The following CPEB3 variants were observed in gnomAD, a reference collection of about 807,000 sequenced individuals.
CPEB3 encodes cytoplasmic polyadenylation element binding protein 3, also known as cytoplasmic polyadenylation element-binding protein 3.
A neutral mutation model predicts 67.2 loss-of-function variants in CPEB3; 20 were observed. The observed-to-expected ratio is 0.30, with a 90% CI of 0.21 to 0.43. The LOEUF (loss-of-function observed/expected upper bound fraction) is 0.43, where lower values mean the gene tolerates loss of function less well. Ranked by LOEUF, CPEB3 falls within the 20% of genes least tolerant of loss-of-function variation. The pLI is 1.00. For missense variants in CPEB3, 746 were observed against 968.6 expected, an observed-to-expected ratio of 0.77 and a Z score of 3.05; for synonymous variants, 376 against 393.1, an observed-to-expected ratio of 0.96 and a Z score of 0.51.
At chr10:92,237,813 T>C (rs1042657311) in intron 2 of CPEB3, among the ~76,000 whole-genome samples, 1 of 152,150 alleles carries the variant, frequency 6.6e-6, no homozygotes, top group African/African-American at 2.4e-5. Flanking sequence ...ATGAAATGAA[T>C]CCCACCTTGC....
chr10:92,209,712 G>A (rs886883991), intron 2 of CPEB3, among the ~76,000 whole-genome samples: 14 of 151,308 alleles, frequency 9.3e-5, no homozygotes, highest in Admixed American at 6.6e-4. Context: ...AGGCAGACAG[G>A]CAGATCACAA....
chr10:92,255,976 C>A (rs1852497101), intron 1 of CPEB3, among the ~76,000 whole-genome samples: 1 of 152,162 alleles, frequency 6.6e-6, no homozygotes, highest in African/African-American at 2.4e-5. Flanking sequence ...TTAACTATTT[C>A]TCTATCAGAA....
intron 2 of CPEB3, among the ~76,000 whole-genome samples, chr10:92,234,419 A>AT (rs1279445402): frequency 2.0e-5 from 3 of 152,180 alleles, no homozygotes; most frequent in Non-Finnish European, 4.4e-5. Context: ...CAAATACAAA[A>AT]TTTTTTAAAA....
At chr10:92,059,843 G>T (rs970298757) in intron 9 of CPEB3, among the ~76,000 whole-genome samples, 2 of 151,776 alleles carry the variant, frequency 1.3e-5, no homozygotes, top group Non-Finnish European at 1.5e-5. Context: ...TGTACTCCCA[G>T]CTACTGGGGA....
chr10:92,224,859 C>CTA (rs1290949330), intron 2 of CPEB3, among the ~76,000 whole-genome samples: 4 of 145,896 alleles, frequency 2.7e-5, no homozygotes, highest in East Asian at 3.9e-4. Context: ...TTAAAAAAAA[C>CTA]TATATATATA....
At position 92,049,209 on chromosome 10, in the gene CPEB3, TTTC is replaced by T. The variant is rs1322581932; in HGVS notation, c.*3000_*3002del. The T allele has an allele frequency of 2.6e-5, 4 of 152,518 alleles. No homozygotes were observed. Among genetic ancestry groups the T allele is most frequent in the Non-Finnish European group, 4.4e-5 (3 of 68,000 alleles). The allele number at this position is 152,518 out of a possible 1,614,324, so 9.4% of individuals were successfully genotyped here. A position where few individuals can be genotyped will look rare whatever the true frequency, so the allele number is the denominator to read the frequency against. On this transcript the variant is annotated 3_prime_UTR_variant, in exon 10 of 10. Transcript: ENST00000265997. ...ATCTGCAATAAAGATTTATGCCTTT[TTTC>T]TTTTCTTTTTTTTTTCTATTTTTTA...
intron 2 of CPEB3, among the ~76,000 whole-genome samples, chr10:92,212,981 T>C (rs1045593780): frequency 6.6e-6 from 1 of 152,212 alleles, no homozygotes; most frequent in African/African-American, 2.4e-5. Flanking sequence ...AAATTTAAAA[T>C]GATCTATGTA....
At chr10:92,066,051 T>C (rs1842535414) in intron 9 of CPEB3, among the ~76,000 whole-genome samples, 1 of 151,664 alleles carries the variant, frequency 6.6e-6, no homozygotes, top group South Asian at 2.1e-4. Flanking sequence ...GAGCTAAGAC[T>C]GCACCACTGC....
rs1473042288 is a variant in CPEB3, at chr10:92,047,649, T to C, written c.*4563A>G. On this transcript the variant is annotated 3_prime_UTR_variant, in exon 10 of 10. Coordinates refer to ENST00000265997, the MANE Select transcript of CPEB3 (RefSeq NM_014912.5). ...CTTTTCTTCTGTTCCTAATCATTTA[T>C]TTGTAGTTAATGTAAAATTCCAACC... 6.6e-6 allele frequency: 1 copy of C among 152,280 alleles called. No homozygotes were observed. Among genetic ancestry groups the C allele is most frequent in the Non-Finnish European group, 1.5e-5 (1 of 68,052 alleles). The allele number at this position is 152,280 out of a possible 1,614,324, so 9.4% of individuals were successfully genotyped here.
At chr10:92,251,541 ACAGTAATGAAAAGACGAAG>A (rs907884219) in intron 1 of CPEB3, among the ~76,000 whole-genome samples, 1 of 152,182 alleles carries the variant, frequency 6.6e-6, no homozygotes, top group Non-Finnish European at 1.5e-5. Context: ...AAAAACAGTA[ACAGTAATGAAAAGACGAAG>A]CAGTAATGAA....
chr10:92,155,083 C>CT (rs1158233686), intron 4 of CPEB3, among the ~76,000 whole-genome samples: 2 of 152,088 alleles, frequency 1.3e-5, no homozygotes, highest in Admixed American at 6.5e-5. Context: ...GCGGTGCATG[C>CT]TTGTAGTCCC....
intron 7 of CPEB3, among the ~76,000 whole-genome samples, chr10:92,095,238 A>G (rs1843803884): frequency 6.6e-6 from 1 of 152,138 alleles, no homozygotes; most frequent in Non-Finnish European, 1.5e-5. Context: ...AGGTAAAAAT[A>G]TAGGAAGAGG....
chr10:92,231,750 T>C (rs1490468129), intron 2 of CPEB3, among the ~76,000 whole-genome samples: 1 of 152,084 alleles, frequency 6.6e-6, no homozygotes, highest in Non-Finnish European at 1.5e-5. Flanking sequence ...GACAGAGTCT[T>C]GCTCTGTCAC....
At chr10:92,076,758 TAGAAGAAGGA>T (rs66538624) in intron 9 of CPEB3, among the ~76,000 whole-genome samples, 47,877 of 147,912 alleles carry the variant, frequency 0.32, 9,141 homozygotes, top group South Asian at 0.56. Context: ...GGTTTCAAAG[TAGAAGAAGGA>T]AGAAGAAGGA....
rs1484579366 is a variant in CPEB3, at chr10:92,239,397, C to T, written c.954G>A (p.Met318Ile). The T allele has an allele frequency of 6.2e-7, 1 of 1,605,636 alleles. No individual in the cohort carries two copies. The highest frequency in any genetic ancestry group is 1.1e-5 in the South Asian group (1 of 89,642). ...TATCGGTCCGGAAAGCGTTATCCTC[C>T]ATCCAGGACTTGGAAGTGAGAGGGG... is the stretch of plus-strand genomic sequence containing the variant. ...RAAPLTSKSWMEDNAFRTDNG... is the reference protein window; with the variant it reads ...RAAPLTSKSWIEDNAFRTDNG... The change falls in exon 2 of 10, where the codon ATG becomes ATA. Residue 318 changes from methionine (M) to isoleucine (I), a missense_variant. Around this residue, in one of 2 missense-constraint regions of CPEB3, gnomAD observed 643 missense variants for 717.5 expected, o/e 0.90. Coordinates refer to ENST00000265997, the MANE Select transcript of CPEB3 (RefSeq NM_014912.5). The surrounding 1 kb of genome is among the most constrained non-coding windows in gnomAD (Gnocchi z 6.0).
chr10:92,145,635 C>CAAAAAAAAAAAAAAAAAAAA, intron 4 of CPEB3, among the ~76,000 whole-genome samples: 1 of 74,722 alleles, frequency 1.3e-5, no homozygotes. Flanking sequence ...AACTCAGTCT[C>CAAAAAAAAAAAAAAAAAAAA]AAAAAAAAAA....
At chr10:92,112,214 G>A (rs1359368693) in intron 6 of CPEB3, among the ~76,000 whole-genome samples, 1 of 143,438 alleles carries the variant, frequency 7.0e-6, no homozygotes, top group African/African-American at 2.6e-5. Flanking sequence ...GTATGATCTC[G>A]GCTCACTGCA....
intron 1 of CPEB3, among the ~76,000 whole-genome samples, chr10:92,244,371 C>T (rs1851972131): frequency 6.6e-6 from 1 of 151,634 alleles, no homozygotes; most frequent in African/African-American, 2.4e-5. Flanking sequence ...ATAATAATAA[C>T]AATTGTACAT....
At chr10:92,183,151 T>C (rs1207777921) in intron 3 of CPEB3, among the ~76,000 whole-genome samples, 2 of 152,220 alleles carry the variant, frequency 1.3e-5, no homozygotes, top group African/African-American at 2.4e-5. Flanking sequence ...TCATGTTTTC[T>C]ATTAAAAAGC....
Sources: allele counts gnomAD v4.1 joint callset (sites outside exome capture counted in the v4.1 genomes callset), GRCh38; gene constraint gnomAD v4.1.1; regional missense constraint gnomAD v4.1.1; non-coding constraint Gnocchi (gnomAD v3.1); transcripts MANE v1.5; gene names NCBI Gene and HGNC (gene_info 2026-07-23, HGNC 2026-07-21).